Variants in NPAT observed in about 807,000 individuals in gnomAD.
NPAT encodes the protein protein NPAT.
NPAT carries 52 observed loss-of-function variants against 130.7 expected under a neutral mutation model. That is an observed-to-expected ratio of 0.40 (90% CI 0.32 to 0.50). NPAT has a LOEUF of 0.50. NPAT is among the 20% of genes least tolerant of loss of function. NPAT has a pLI of 0.68. For synonymous variants in NPAT, 580 were observed against 584.8 expected, an observed-to-expected ratio of 0.99 and a Z score of 0.12; for missense variants, 1,687 against 1,662.6, an observed-to-expected ratio of 1.01 and a Z score of -0.26.
At chr11:108,204,254 G>A (rs910080567) in intron 1 of NPAT, among the ~76,000 whole-genome samples, 30 of 152,182 alleles carry the variant, frequency 2.0e-4, no homozygotes, top group African/African-American at 5.5e-4. Context: ...TGCCAGTTCC[G>A]GACAGAGTCC....
intron 1 of NPAT, chr11:108,208,495 G>A (rs1290269878): frequency 6.6e-6 from 3 of 455,382 alleles, no homozygotes; most frequent in African/African-American, 6.0e-5. Flanking sequence ...GGTGGAGGTG[G>A]GAGGATAGCT....
intron 1 of NPAT, among the ~76,000 whole-genome samples, chr11:108,200,322 C>A (rs1017522346): frequency 6.6e-6 from 1 of 152,170 alleles, no homozygotes; most frequent in African/African-American, 2.4e-5. Context: ...AGCCTTTAAT[C>A]TGATATTTTT....
rs1485034875 is a variant in NPAT at position 108,191,025 on chromosome 11, A to G, written c.291-525T>C. ...TCAAGGCTACAAGAGCTATGATCAC[A>G]CCACCGCATTCCAGCTTGGGTAACA... is the stretch of plus-strand genomic sequence containing the variant. On this transcript the variant is annotated intron_variant, in intron 4 of 17. Transcript: ENST00000278612. Among the ~76,000 whole-genome samples the G allele has an allele frequency of 2.0e-5, 3 of 152,340 alleles. No individual in the cohort carries two copies. In the East Asian group the frequency reaches 5.8e-4, roughly 29 times the overall value.
chr11:108,173,023 G>T lies in NPAT; in HGVS notation c.1961C>A (p.Ser654Tyr). 1 of 1,613,814 alleles carries T rather than the reference G, an allele frequency of 6.2e-7. No individual in the cohort carries two copies. Among genetic ancestry groups the T allele is most frequent in the Non-Finnish European group, 8.5e-7 (1 of 1,179,820 alleles). ...AGGCTCCTGTGAATTCTCAGACTTG[G>T]ATGCCTGAGCTTCATTTTCTGTATG... The part of the protein sequence containing the change: ...LNHTENEAQA[S>Y]KSENSQEPSS... Residue 654 changes from serine (S) to tyrosine (Y), a missense_variant, in exon 13 of 18, where the codon TCC (serine) becomes TAC (tyrosine). This residue lies in a region of NPAT where 1,379 missense variants were observed against 1,346.6 expected (regional missense o/e 1.02). Transcript: ENST00000278612.
At chr11:108,164,761 C>T (rs1345751087) in intron 15 of NPAT, among the ~76,000 whole-genome samples, 6 of 152,290 alleles carry the variant, frequency 3.9e-5, no homozygotes, top group African/African-American at 1.4e-4. Context: ...CCTGTAATCC[C>T]AGCACTTTGG....
chr11:108,163,281 C>G lies in NPAT; in HGVS notation c.3011-1101G>C, dbSNP rs192051724. On this transcript the variant is annotated intron_variant, in intron 15 of 17. Coordinates refer to ENST00000278612, the MANE Select transcript of NPAT (RefSeq NM_002519.3). ...TTTTAGTAGAGAAGGGGTTTCACTA[C>G]GTCAGCCAGGCCAGTCTCAAAACTC... Among the ~76,000 whole-genome samples, 109 of 152,002 alleles carry G rather than the reference C, an allele frequency of 7.2e-4. 1 individual carries two copies. Among genetic ancestry groups the G allele is most frequent in the African/African-American group, 2.5e-3 (103 of 41,476 alleles).
chr11:108,201,067 C>T (rs1236803740), intron 1 of NPAT, among the ~76,000 whole-genome samples: 2 of 152,224 alleles, frequency 1.3e-5, no homozygotes, highest in Non-Finnish European at 2.9e-5. Flanking sequence ...TTCTCCTTTG[C>T]GTTCCAATTG....
intron 1 of NPAT, among the ~76,000 whole-genome samples, chr11:108,200,495 C>A (rs913103775): frequency 1.6e-4 from 25 of 152,108 alleles, no homozygotes; most frequent in Admixed American, 3.9e-4. Flanking sequence ...CTAGTGCAGA[C>A]CAATATTAAT....
intron 1 of NPAT, among the ~76,000 whole-genome samples, chr11:108,200,595 T>C (rs2078266396): frequency 6.6e-6 from 1 of 152,026 alleles, no homozygotes; most frequent in African/African-American, 2.4e-5. Flanking sequence ...CCCACCTCCT[T>C]CTCTAACCAG....
Position 108,169,796 on chromosome 11 carries a change from G to A in NPAT, c.2958C>T (p.Pro986=), listed in dbSNP as rs201708655. Residue 986 remains proline (P), a synonymous_variant, in exon 15 of 18, where the codon CCC becomes CCT. Transcript: ENST00000278612. ...GAGCCTTCTGAGATTTTGGAGGGAC[G>A]GGGAATTGAGGGATACTTCTATTGC... The part of the protein sequence containing the change: ...PVCNRSIPQF[P]VPPKSQKAQG... The A allele has an allele frequency of 6.4e-5, 104 of 1,613,826 alleles. No homozygotes were observed. Among genetic ancestry groups the A allele is most frequent in the African/African-American group, 5.7e-4 (43 of 74,914 alleles).
Position 108,176,386 on chromosome 11 carries a change from G to A in NPAT, c.1004-12C>T. On this transcript the variant is annotated splice_polypyrimidine_tract_variant and intron_variant, in intron 11 of 17. Coordinates refer to ENST00000278612, the MANE Select transcript of NPAT (RefSeq NM_002519.3). ...ATTCTTTGTTTTGCCTGTTAAAAAG[G>A]GAATATGGAAATAATTAAATGACCA... 1 of 1,504,484 alleles carries A rather than the reference G, an allele frequency of 6.6e-7. No individual in the cohort carries two copies. Among genetic ancestry groups the A allele is most frequent in the Non-Finnish European group, 9.2e-7 (1 of 1,082,734 alleles). 93.2% of individuals were successfully genotyped at this position (1,504,484 alleles called of 1,614,324 possible). A position where few individuals can be genotyped will look rare whatever the true frequency, so the allele number is the denominator to read the frequency against.
intron 13 of NPAT, 138 bp from the exon 14 acceptor site, chr11:108,170,181 A>AAAAAC (rs770287806): frequency 7.2e-5 from 47 of 654,166 alleles, no homozygotes; most frequent in South Asian, 1.0e-4. Flanking sequence ...TCCACTCTCC[A>AAAAAC]AAAACAAAAC....
At chr11:108,208,980 C>G (rs866901250) in intron 1 of NPAT, among the ~76,000 whole-genome samples, 2 of 152,132 alleles carry the variant, frequency 1.3e-5, no homozygotes, top group African/African-American at 2.4e-5. Context: ...CTATAAACAC[C>G]TGTATTTAAA....
intron 1 of NPAT, among the ~76,000 whole-genome samples, chr11:108,219,241 TAG>T (rs1245103459): frequency 1.3e-5 from 2 of 152,164 alleles, no homozygotes; most frequent in African/African-American, 4.8e-5. Flanking sequence ...TCTGCCTCAG[TAG>T]AGTCTCCTCT....
In NPAT at chr11:108,157,319, CA is replaced by C. The variant is rs1465295495; in HGVS notation, c.*1622del. Reference sequence around the variant, plus strand: ...TGATTTTCAGCATTGTACAAACTCCCAAAAAGAACTGACTTGCAAAGGAATT... The same window carrying C: ...TGATTTTCAGCATTGTACAAACTCCCAAAAGAACTGACTTGCAAAGGAATT... On this transcript the variant is annotated 3_prime_UTR_variant, in exon 18 of 18. Transcript: ENST00000278612. 2.6e-5 allele frequency: 4 copies of C among 152,024 alleles called. No individual in the cohort carries two copies. The highest frequency in any genetic ancestry group is 2.9e-5 in the Non-Finnish European group (2 of 67,960). The allele number at this position is 152,024 out of a possible 1,614,324, so 9.4% of individuals were successfully genotyped here. A position where few individuals can be genotyped will look rare whatever the true frequency, so the allele number is the denominator to read the frequency against.
chr11:108,176,381 A>G lies in NPAT; in HGVS notation c.1004-7T>C, dbSNP rs192976404. 6.6e-7 allele frequency: 1 copy of G among 1,517,400 alleles called. No homozygotes were observed. The highest frequency in any genetic ancestry group is 2.3e-5 in the East Asian group (1 of 44,278). The allele number at this position is 1,517,400 out of a possible 1,614,324, so 94.0% of individuals were successfully genotyped here. A position where few individuals can be genotyped will look rare whatever the true frequency, so the allele number is the denominator to read the frequency against. On this transcript the variant is annotated splice_polypyrimidine_tract_variant and splice_region_variant and intron_variant, in intron 11 of 17. Coordinates refer to ENST00000278612, the MANE Select transcript of NPAT (RefSeq NM_002519.3). ...TTATTATTCTTTGTTTTGCCTGTTA[A>G]AAAGGGAATATGGAAATAATTAAAT...
At chr11:108,180,862 C>T (rs1385606345) in intron 10 of NPAT, among the ~76,000 whole-genome samples, 2 of 152,126 alleles carry the variant, frequency 1.3e-5, no homozygotes, top group Non-Finnish European at 2.9e-5. Flanking sequence ...ATTATTCAGC[C>T]TTTAACAAAG....
rs774408697 is a variant in NPAT, at chr11:108,172,960, G to A, written c.2024C>T (p.Ser675Phe). The stretch of plus-strand genomic sequence containing the variant: ...CTCACAGTTAGCATTTCCACCTAAA[G>A]AGAGAAAAATAGTATTCTCTTCTTT... ...SVKEENTIFL[S>F]LGGNANCEKV... Residue 675 changes from serine to phenylalanine, a missense_variant, in exon 13 of 18, where the codon TCT becomes TTT. This residue lies in a region of NPAT where 1,379 missense variants were observed against 1,346.6 expected (regional missense o/e 1.02). Coordinates refer to ENST00000278612, the MANE Select transcript of NPAT (RefSeq NM_002519.3). 8 of 1,613,990 alleles carry A rather than the reference G, an allele frequency of 5.0e-6. No individual in the cohort carries two copies. Among genetic ancestry groups the A allele is most frequent in the African/African-American group, 1.3e-5 (1 of 74,914 alleles).
intron 10 of NPAT, among the ~76,000 whole-genome samples, chr11:108,177,996 C>T (rs901481451): frequency 6.6e-6 from 1 of 152,202 alleles, no homozygotes; most frequent in Admixed American, 6.5e-5. Context: ...GCTGGGACTA[C>T]AGGCATGAGT....
Sources: gnomAD v4.1 joint callset for allele counts (sites outside exome capture counted in the v4.1 genomes callset) on GRCh38, gnomAD v4.1.1 for gene constraint, gnomAD v4.1.1 regional missense constraint, MANE v1.5 for transcripts, NCBI Gene and HGNC (gene_info 2026-07-23, HGNC 2026-07-21) for gene names.